The following PTOV1 variants were observed in gnomAD, a reference collection of about 807,000 sequenced individuals.
PTOV1 encodes PTOV1 extended AT-hook containing adaptor protein, also known as prostate tumor-overexpressed gene 1 protein.
PTOV1 carries 20 observed loss-of-function variants against 58.0 expected under a neutral mutation model. The observed-to-expected ratio is 0.34, with a 90% CI of 0.24 to 0.50. The LOEUF (loss-of-function observed/expected upper bound fraction) is 0.50. Ranked by LOEUF, PTOV1 falls within the 20% of genes least tolerant of loss-of-function variation. The pLI is 0.98. For synonymous variants in PTOV1, 335 were observed against 234.2 expected, an observed-to-expected ratio of 1.43 and a Z score of -3.93; for missense variants, 593 against 565.4, an observed-to-expected ratio of 1.05 and a Z score of -0.50.
At chr19:49,850,777 C>T, upstream of PTOV1, 1 of 1,395,694 alleles carries the variant, frequency 7.2e-7, no homozygotes, top group African/African-American at 1.4e-5. Flanking sequence ...TCAGTGGGTT[C>T]CCTTTCAGTG....
chr19:49,860,606 G>T, exon 12 of PTOV1: 1 of 512,676 alleles, frequency 2.0e-6, no homozygotes, highest in East Asian at 3.2e-5. Context: ...CTGCACCCCT[G>T]CCCCCAGGTG....
intron 10 of PTOV1, 79 bp downstream of exon 10, chr19:49,858,732 G>T: frequency 8.5e-7 from 1 of 1,182,432 alleles, no homozygotes; most frequent in Admixed American, 2.0e-5. Flanking sequence ...GCGGACATGG[G>T]AGAGGAACAG....
chr19:49,854,763 GGTGGCAGGGGCAGTGGCT>G, intron 3 of PTOV1, 29 bp downstream of exon 3: 1 of 1,613,160 alleles, frequency 6.2e-7, no homozygotes, highest in Non-Finnish European at 8.5e-7. Context: ...CAGCCAGGGC[GGTGGCAGGGGCAGTGGCT>G]GTGGCCGTGG....
intron 8 of PTOV1, 23 bp downstream of exon 8, chr19:49,858,000 G>C (rs1281582566): frequency 6.2e-7 from 1 of 1,613,132 alleles, no homozygotes; most frequent in Admixed American, 1.7e-5. Flanking sequence ...CTGGGGGGTG[G>C]AGGCAGCATC....
chr19:49,857,317 T>C (rs2074516956), intron 6 of PTOV1, 187 bp downstream of exon 6: 22 of 802,696 alleles, frequency 2.7e-5, no homozygotes, highest in Non-Finnish European at 3.9e-5. Context: ...ACTGGGCGGC[T>C]CTGCAGGGCT....
chr19:49,853,380 G>T (rs1343424027), intron 1 of PTOV1, among the ~76,000 whole-genome samples: 1 of 152,022 alleles, frequency 6.6e-6, no homozygotes, highest in Non-Finnish European at 1.5e-5. Flanking sequence ...GTGAGGTCAG[G>T]CTTGGTGGCC....
chr19:49,857,653 G>C lies in PTOV1; in HGVS notation c.715-40G>C, dbSNP rs1018859848. 5 of 1,582,240 alleles carry C rather than the reference G, an allele frequency of 3.2e-6. No homozygotes were observed. In the Admixed American group the frequency reaches 6.9e-5, roughly 22 times the overall value. ...CAGGACAGACAGACAGGTTTCCCAG[G>C]AGCCTGGGCCCCTCTTCCCACCCCG... On this transcript the variant is annotated intron_variant, in intron 6 of 11. Coordinates refer to ENST00000391842, the Ensembl canonical transcript of PTOV1.
At chr19:49,852,085 CGCTTCTCCGGACCCAAAAGATGCACAT>C in intron 1 of PTOV1, 1 of 984,880 alleles carries the variant, frequency 1.0e-6, no homozygotes, top group Non-Finnish European at 1.2e-6. Flanking sequence ...GGGCTGCACA[CGCTTCTCCGGACCCAAAAGATGCACAT>C]GCTTTTCAGA....
Position 49,854,826 on chromosome 19 carries a change from C to G in PTOV1, c.393-5C>G, listed in dbSNP as rs761684383. 1 of 1,613,374 alleles carries G rather than the reference C, an allele frequency of 6.2e-7. No homozygotes were observed. Among genetic ancestry groups the G allele is most frequent in the Admixed American group, 1.7e-5 (1 of 60,020 alleles). On this transcript the variant is annotated splice_polypyrimidine_tract_variant and splice_region_variant and intron_variant, in intron 3 of 11. Transcript: ENST00000391842. ...CAGCCCTTTCTGACCAGCTCCTTCCCATAGGGAGACCGACCAGTGGCCGCA... is the reference window on the plus strand; with the variant it reads ...CAGCCCTTTCTGACCAGCTCCTTCCGATAGGGAGACCGACCAGTGGCCGCA...
intron 1 of PTOV1, 129 bp from the exon 2 acceptor site, chr19:49,854,277 T>C (rs777301891): frequency 1.5e-5 from 19 of 1,251,790 alleles, no homozygotes; most frequent in Non-Finnish European, 2.0e-5. Flanking sequence ...GGTTTGGACA[T>C]GGCCCCGTGG....
At chr19:49,855,489 A>T (rs2074423181) in intron 5 of PTOV1, 1 of 240,460 alleles carries the variant, frequency 4.2e-6, no homozygotes, top group African/African-American at 2.2e-5. Flanking sequence ...AAAATGGGCT[A>T]ACCTCCCCGA....
chr19:49,859,842 G>A, intron 10 of PTOV1, 144 bp from the exon 11 acceptor site: 1 of 834,518 alleles, frequency 1.2e-6, no homozygotes, highest in Non-Finnish European at 1.9e-6. Context: ...CAATAAGGGG[G>A]CCCACCTCCA....
exon 8 of PTOV1, chr19:49,857,974 T>C: frequency 6.2e-7 from 1 of 1,613,340 alleles, no homozygotes; most frequent in Non-Finnish European, 8.5e-7. Flanking sequence ...CAGGGGGAGA[T>C]CCTGTGAGTG....
In PTOV1 at chr19:49,851,160, G is replaced by A; in HGVS notation, c.-169G>A. ...GCGCCGGGCTCCCCCGCTCGCCTCA[G>A]TGGTTCGGCCGCGGCGACCCCACTC... On this transcript the variant is annotated 5_prime_UTR_variant, in exon 1 of 12. The change creates a new upstream start codon in the 5' untranslated region. Transcript: ENST00000391842. 1 of 1,255,274 alleles carries A rather than the reference G, an allele frequency of 8.0e-7. No homozygotes were observed. Among genetic ancestry groups the A allele is most frequent in the Non-Finnish European group, 1.0e-6 (1 of 1,002,128 alleles). The allele number at this position is 1,255,274 out of a possible 1,614,324, so 77.8% of individuals were successfully genotyped here. A position where few individuals can be genotyped will look rare whatever the true frequency, so the allele number is the denominator to read the frequency against.
In PTOV1 at chr19:49,858,132, G is replaced by T; in HGVS notation, c.936+18G>T. 6.2e-7 allele frequency: 1 copy of T among 1,611,236 alleles called. No homozygotes were observed. The highest frequency in any genetic ancestry group is 8.5e-7 in the Non-Finnish European group (1 of 1,179,556). On this transcript the variant is annotated intron_variant, in intron 9 of 11. Coordinates refer to ENST00000391842, the Ensembl canonical transcript of PTOV1. Reference sequence around the variant, plus strand: ...AGCTGCTGGTGAGGGGCTGGGGCCGGGTGCTGGAGCCTGCACGCAGTAGCT... The same window carrying T: ...AGCTGCTGGTGAGGGGCTGGGGCCGTGTGCTGGAGCCTGCACGCAGTAGCT...
At chr19:49,857,114 T>C in exon 6 of PTOV1, 5 of 1,614,024 alleles carry the variant, frequency 3.1e-6, no homozygotes, top group South Asian at 1.1e-5. Flanking sequence ...CGGCAGGTCA[T>C]CACCACCCGC....
At chr19:49,851,839 C>G (rs1167557919) in intron 1 of PTOV1, 72 of 994,378 alleles carry the variant, frequency 7.2e-5, no homozygotes, top group Non-Finnish European at 8.3e-5. Context: ...GTTGCTCGCT[C>G]TCCGGGCAGG....
upstream of PTOV1, chr19:49,850,844 G>A (rs2074210988): frequency 6.5e-7 from 1 of 1,534,884 alleles, no homozygotes; most frequent in Non-Finnish European, 8.7e-7. Flanking sequence ...GATGTATTTT[G>A]GCGCGGTCTC....
rs2122249693 is a variant in PTOV1, at chr19:49,858,238, TG to T, written c.936+125del. 3.2e-6 allele frequency: 4 copies of T among 1,254,288 alleles called. No individual in the cohort carries two copies. The South Asian group carries it at 5.7e-5, about 18-fold the overall frequency. 77.7% of individuals were successfully genotyped at this position (1,254,288 alleles called of 1,614,324 possible). A position where few individuals can be genotyped will look rare whatever the true frequency, so the allele number is the denominator to read the frequency against. ...TGTGAGGGAGCGGAGCTGAGGGTGC[TG>T]AAGCAGGTGTGGTGGGTAGCTCCTC... On this transcript the variant is annotated intron_variant, in intron 9 of 11. Transcript: ENST00000391842.
Sources: gnomAD v4.1 joint callset for allele counts (sites outside exome capture counted in the v4.1 genomes callset) on GRCh38, gnomAD v4.1.1 for gene constraint, MANE v1.5 for transcripts, NCBI Gene and HGNC (gene_info 2026-07-23, HGNC 2026-07-21) for gene names.